NSMCE4A: variants seen among roughly 807,000 people sequenced by gnomAD.
NSMCE4A encodes the protein non-structural maintenance of chromosomes element 4 homolog A.
In NSMCE4A, 40 loss-of-function variants were observed where a neutral mutation model predicts 47.9. The observed-to-expected ratio is 0.83, with a 90% CI of 0.65 to 1.09. NSMCE4A has a LOEUF of 1.09. Ranked by LOEUF, NSMCE4A falls within the 50% of genes least tolerant of loss-of-function variation. NSMCE4A has a pLI of 0.00. For missense variants in NSMCE4A, 500 were observed against 507.0 expected, an observed-to-expected ratio of 0.99 and a Z score of 0.13; for synonymous variants, 166 against 178.5, an observed-to-expected ratio of 0.93 and a Z score of 0.56.
intron 6 of NSMCE4A, 21 bp downstream of exon 6, chr10:121,963,217 T>G: frequency 6.7e-7 from 1 of 1,489,610 alleles, no homozygotes; most frequent in Non-Finnish European, 9.4e-7. Flanking sequence ...ATTGCTCCAC[T>G]TTGAATGGTG....
In NSMCE4A at chr10:121,965,533, A is replaced by T. The variant is rs1952591445; in HGVS notation, c.654-148T>A. The T allele has an allele frequency of 1.9e-5, 12 of 623,052 alleles. No homozygotes were observed. In the South Asian group the frequency reaches 2.6e-4, roughly 13 times the overall value. 38.6% of individuals were successfully genotyped at this position (623,052 alleles called of 1,614,324 possible). On this transcript the variant is annotated intron_variant, in intron 4 of 10. Coordinates refer to ENST00000369023, the MANE Select transcript of NSMCE4A (RefSeq NM_017615.3). ...AGCTGACATCAGAGTAAGACTCTTG[A>T]TAAGGTTTGTGACAGCCTTTCTGCC...
intron 7 of NSMCE4A, among the ~76,000 whole-genome samples, chr10:121,961,061 G>A (rs1251441759): frequency 1.3e-5 from 2 of 152,060 alleles, no homozygotes; most frequent in Non-Finnish European, 2.9e-5. Flanking sequence ...AATGATAGGC[G>A]GCCTGCTTCT....
Position 121,974,957 on chromosome 10 carries a change from G to A in NSMCE4A, c.209C>T (p.Pro70Leu). The A allele has an allele frequency of 6.5e-7, 1 of 1,531,920 alleles. No homozygotes were observed. Among genetic ancestry groups the A allele is most frequent in the South Asian group, 1.2e-5 (1 of 82,002 alleles). The allele number at this position is 1,531,920 out of a possible 1,614,324, so 94.9% of individuals were successfully genotyped here. A position where few individuals can be genotyped will look rare whatever the true frequency, so the allele number is the denominator to read the frequency against. Residue 70 changes from proline (P) to leucine (L), a missense_variant, in exon 1 of 11, where the codon CCG becomes CTG. Coordinates refer to ENST00000369023, the MANE Select transcript of NSMCE4A (RefSeq NM_017615.3). Reference protein sequence around the residue: ...PSDSGDEMMDPASLEAEADQG... With the variant: ...PSDSGDEMMDLASLEAEADQG... ...GTCGGCCTCCGCCTCCAAGCTGGCC[G>A]GGTCCATCATCTCGTCCCCGGAATC...
chr10:121,973,134 G>A (rs1326896092), intron 2 of NSMCE4A, among the ~76,000 whole-genome samples: 4 of 151,802 alleles, frequency 2.6e-5, no homozygotes, highest in Admixed American at 6.6e-5. Flanking sequence ...TACTCGGGAC[G>A]CTGAGGTAGG....
chr10:121,959,222 G>A (rs370531943), intron 10 of NSMCE4A, 102 bp downstream of exon 10: 1 of 948,746 alleles, frequency 1.1e-6, no homozygotes, highest in Non-Finnish European at 1.7e-6. Context: ...GGCACTACAG[G>A]GAGGCAAAAA....
In NSMCE4A at chr10:121,960,435, G is replaced by C. The variant is rs202151369; in HGVS notation, c.940-29C>G. On this transcript the variant is annotated intron_variant, in intron 7 of 10. Coordinates refer to ENST00000369023, the MANE Select transcript of NSMCE4A (RefSeq NM_017615.3). The surrounding 1 kb of genome is among the most constrained non-coding windows in gnomAD (Gnocchi z 4.2). ...AAACGAAAACATGATTTTAGGAGAA[G>C]ACAAACATTTAAGACTCAAACCTAT... 9 of 1,496,528 alleles carry C rather than the reference G, an allele frequency of 6.0e-6. No individual in the cohort carries two copies. Among genetic ancestry groups the C allele is most frequent in the Non-Finnish European group, 7.9e-6 (9 of 1,132,650 alleles). 92.7% of individuals were successfully genotyped at this position (1,496,528 alleles called of 1,614,324 possible). A position where few individuals can be genotyped will look rare whatever the true frequency, so the allele number is the denominator to read the frequency against.
Position 121,974,976 on chromosome 10 carries a change from C to A in NSMCE4A, c.190G>T (p.Gly64Trp), listed in dbSNP as rs866289913. 6.6e-7 allele frequency: 1 copy of A among 1,524,842 alleles called. No individual in the cohort carries two copies. Among genetic ancestry groups the A allele is most frequent in the East Asian group, 2.7e-5 (1 of 36,532 alleles). 94.5% of individuals were successfully genotyped at this position (1,524,842 alleles called of 1,614,324 possible). A position where few individuals can be genotyped will look rare whatever the true frequency, so the allele number is the denominator to read the frequency against. ...SLEDTEPSDS[G>W]DEMMDPASLE... ...CTGGCCGGGTCCATCATCTCGTCCC[C>A]GGAATCCGACGGCTCTGTGTCCTCC... Residue 64 changes from glycine (G) to tryptophan (W), a missense_variant, in exon 1 of 11, where the codon GGG (glycine) becomes TGG (tryptophan). Gly to Trp is a radical substitution (Grantham distance 184). Coordinates refer to ENST00000369023, the MANE Select transcript of NSMCE4A (RefSeq NM_017615.3).
chr10:121,971,694 A>G (rs747516993), intron 2 of NSMCE4A, among the ~76,000 whole-genome samples: 22 of 152,148 alleles, frequency 1.4e-4, no homozygotes, highest in Non-Finnish European at 2.5e-4. Context: ...TTTTCCCTCC[A>G]TCCTAATCAC....
intron 7 of NSMCE4A, 37 bp downstream of exon 7, chr10:121,961,386 A>G (rs1952494328): frequency 7.2e-7 from 1 of 1,390,748 alleles, no homozygotes; most frequent in East Asian, 2.4e-5. Flanking sequence ...TTTTAAAAGC[A>G]TATAAAAGCA....
chr10:121,970,093 C>T (rs1952678668), intron 3 of NSMCE4A, among the ~76,000 whole-genome samples: 1 of 152,212 alleles, frequency 6.6e-6, no homozygotes, highest in African/African-American at 2.4e-5. Flanking sequence ...TTGGTAAATT[C>T]ATCAAGGAAC....
At chr10:121,959,295 CTG>C in intron 10 of NSMCE4A, 27 bp downstream of exon 10, 1 of 1,570,252 alleles carries the variant, frequency 6.4e-7, no homozygotes. Context: ...TTTAATAGAA[CTG>C]TGTAGCCATC....
Position 121,960,183 on chromosome 10 carries a change from C to A in NSMCE4A, c.988+175G>T. 1 of 437,606 alleles carries A rather than the reference C, an allele frequency of 2.3e-6. No homozygotes were observed. Among genetic ancestry groups the A allele is most frequent in the Non-Finnish European group, 4.0e-6 (1 of 246,914 alleles). The allele number at this position is 437,606 out of a possible 1,614,324, so 27.1% of individuals were successfully genotyped here. A position where few individuals can be genotyped will look rare whatever the true frequency, so the allele number is the denominator to read the frequency against. On this transcript the variant is annotated intron_variant, in intron 8 of 10. Coordinates refer to ENST00000369023, the MANE Select transcript of NSMCE4A (RefSeq NM_017615.3). This position sits in a 1 kb window ranked among gnomAD's most constrained non-coding sequence, Gnocchi z 4.2. ...GTTGAATCAATGATATAGATGAATC[C>A]ATCAAAATTTTAGACGCTGGCCATG...
chr10:121,958,890 C>T (rs993518401), intron 10 of NSMCE4A, among the ~76,000 whole-genome samples: 5 of 151,688 alleles, frequency 3.3e-5, no homozygotes, highest in African/African-American at 1.2e-4. Flanking sequence ...ATCTCAGCCA[C>T]TGCAACCTCC....
chr10:121,961,330 A>G, intron 7 of NSMCE4A, 93 bp downstream of exon 7: 2 of 800,384 alleles, frequency 2.5e-6, no homozygotes, highest in Non-Finnish European at 2.0e-6. Context: ...GCTAGTGTAT[A>G]CAGATACCTT....
At chr10:121,959,903 T>C (rs1435795732) in intron 8 of NSMCE4A, 1 of 388,072 alleles carries the variant, frequency 2.6e-6, no homozygotes, top group African/African-American at 2.0e-5. Flanking sequence ...TTGAGAACAT[T>C]GAAAGTAGCA....
chr10:121,971,484 G>A (rs559940658), intron 2 of NSMCE4A, among the ~76,000 whole-genome samples: 1 of 152,202 alleles, frequency 6.6e-6, no homozygotes, highest in East Asian at 1.9e-4. Flanking sequence ...TCCAGCCTGG[G>A]TGTCAGAGCA....
In NSMCE4A at chr10:121,975,134, T is replaced by TCTGGCCCG; in HGVS notation, c.24_31dup (p.Glu11AlafsTer60). The TCTGGCCCG allele has an allele frequency of 7.1e-7, 1 of 1,411,408 alleles. No homozygotes were observed. The highest frequency in any genetic ancestry group is 9.1e-7 in the Non-Finnish European group (1 of 1,094,758). The allele number at this position is 1,411,408 out of a possible 1,614,324, so 87.4% of individuals were successfully genotyped here. On this transcript the variant is annotated frameshift_variant, in exon 1 of 11. Coordinates refer to ENST00000369023, the MANE Select transcript of NSMCE4A (RefSeq NM_017615.3). LOFTEE classifies it high-confidence loss of function. Reference sequence around the variant, plus strand: ...CGGGTCGCGGCCCCGGCCCCGGCCCTCTGGCCCGCGGCCGCTGCTGTCCCC... The same window carrying TCTGGCCCG: ...CGGGTCGCGGCCCCGGCCCCGGCCCTCTGGCCCGCTGGCCCGCGGCCGCTGCTGTCCCC...
In NSMCE4A at chr10:121,960,324, T is replaced by A. The variant is rs761533801; in HGVS notation, c.988+34A>T. ...ATTCTACTAACAAATATATTTTCTC[T>A]AAAACTAATTTTTCCAAACATAGTA... On this transcript the variant is annotated intron_variant, in intron 8 of 10. Coordinates refer to ENST00000369023, the MANE Select transcript of NSMCE4A (RefSeq NM_017615.3). The surrounding 1 kb of genome is among the most constrained non-coding windows in gnomAD (Gnocchi z 4.2). 2.2e-6 allele frequency: 3 copies of A among 1,390,622 alleles called. No individual in the cohort carries two copies. The highest frequency in any genetic ancestry group is 2.9e-6 in the Non-Finnish European group (3 of 1,046,562). The allele number at this position is 1,390,622 out of a possible 1,614,324, so 86.1% of individuals were successfully genotyped here. A position where few individuals can be genotyped will look rare whatever the true frequency, so the allele number is the denominator to read the frequency against.
Position 121,959,615 on chromosome 10 carries a change from T to G in NSMCE4A, c.989-20A>C. ...CAGGCTCTGTTTGAAAGACAAATTT[T>G]TCAAATTTATCAAAGGTTATTAAAT... is the stretch of plus-strand genomic sequence containing the variant. On this transcript the variant is annotated intron_variant, in intron 8 of 10. Coordinates refer to ENST00000369023, the MANE Select transcript of NSMCE4A (RefSeq NM_017615.3). 6.3e-7 allele frequency: 1 copy of G among 1,576,540 alleles called. No individual in the cohort carries two copies. The highest frequency in any genetic ancestry group is 1.3e-5 in the African/African-American group (1 of 74,176).
Sources: allele counts gnomAD v4.1 joint callset (sites outside exome capture counted in the v4.1 genomes callset), GRCh38; gene constraint gnomAD v4.1.1; non-coding constraint Gnocchi (gnomAD v3.1); transcripts MANE v1.5; gene names NCBI Gene and HGNC (gene_info 2026-07-23, HGNC 2026-07-21).